The following JAKMIP3 variants were observed in gnomAD, a reference collection of about 807,000 sequenced individuals.
The protein encoded by JAKMIP3 is Janus kinase and microtubule interacting protein 3, also known as janus kinase and microtubule-interacting protein 3.
Under a neutral mutation model 118.5 loss-of-function variants are expected in JAKMIP3, and 58 were observed. The observed-to-expected ratio is 0.49, with a 90% CI of 0.40 to 0.61. The LOEUF is 0.61. JAKMIP3 is among the 20% of genes least tolerant of loss of function. The pLI, the probability that JAKMIP3 is intolerant of heterozygous loss-of-function variation, is 0.00. For synonymous variants in JAKMIP3, 486 were observed against 451.2 expected (o/e 1.08, Z -0.98); for missense variants, 950 against 1,109.0 (o/e 0.86, Z 2.04).
At chr10:132,135,005 G>A (rs774777992) in intron 4 of JAKMIP3, 36 bp from the exon 5 acceptor site, 1 of 1,607,314 alleles carries the variant, frequency 6.2e-7, no homozygotes, top group Non-Finnish European at 8.5e-7. Flanking sequence ...AGGCTTGTGG[G>A]TAGGAACCGT....
chr10:132,150,600 T>C (rs118056737), intron 16 of JAKMIP3, among the ~76,000 whole-genome samples: 2 of 151,736 alleles, frequency 1.3e-5, no homozygotes, highest in East Asian at 3.9e-4. Context: ...ATTCATGCTC[T>C]GTCTTATATC....
At chr10:132,058,969 G>A (rs1279692745) in intron 1 of JAKMIP3, among the ~76,000 whole-genome samples, 4 of 152,188 alleles carry the variant, frequency 2.6e-5, no homozygotes, top group African/African-American at 7.2e-5. Flanking sequence ...CTGGCTGCCT[G>A]GCTTCACGCC....
upstream of JAKMIP3, among the ~76,000 whole-genome samples, chr10:132,060,814 G>A (rs1298941338): frequency 1.3e-5 from 2 of 152,180 alleles, no homozygotes; most frequent in East Asian, 3.9e-4. Context: ...GAGGTCAGGA[G>A]TTTGAGACCA....
At position 132,104,545 on chromosome 10, in the gene JAKMIP3, C is replaced by T. The variant is rs564952926; in HGVS notation, c.-137-127C>T. On this transcript the variant is annotated intron_variant, in intron 1 of 23. Coordinates refer to ENST00000684848, the MANE Select transcript of JAKMIP3 (RefSeq NM_001323087.2). ...GGCTGGTTCCCTGGCCTGCGTCGTC[C>T]AGGTAGCATCCTCAGCACTGCAATG... is the stretch of plus-strand genomic sequence containing the variant. 113 of 483,922 alleles carry T rather than the reference C, an allele frequency of 2.3e-4. 1 individual carries two copies. The South Asian group carries it at 2.9e-3, about 13-fold the overall frequency. 30.0% of individuals were successfully genotyped at this position (483,922 alleles called of 1,614,324 possible). A position where few individuals can be genotyped will look rare whatever the true frequency, so the allele number is the denominator to read the frequency against.
At chr10:132,167,884 G>A (rs951534445) in intron 22 of JAKMIP3, 69 bp from the exon 23 acceptor site, 13 of 1,152,458 alleles carry the variant, frequency 1.1e-5, no homozygotes, top group Non-Finnish European at 1.4e-5. Context: ...CTCGCCCCTC[G>A]GCCCTCGCCC....
At chr10:132,105,003 C>T in intron 2 of JAKMIP3, 60 bp downstream of exon 2, 7 of 1,535,076 alleles carry the variant, frequency 4.6e-6, no homozygotes, top group South Asian at 1.2e-5. Context: ...CCCTGGGGCC[C>T]AGAGGCTCTT....
upstream of JAKMIP3, among the ~76,000 whole-genome samples, chr10:132,062,713 T>C (rs1235368864): frequency 6.6e-6 from 1 of 152,066 alleles, no homozygotes; most frequent in Non-Finnish European, 1.5e-5. Flanking sequence ...TGCATGGGAA[T>C]AAAAAAACAG....
At chr10:132,164,323 TC>T (rs2058676411) in intron 20 of JAKMIP3, among the ~76,000 whole-genome samples, 2 of 152,360 alleles carry the variant, frequency 1.3e-5, no homozygotes, top group East Asian at 1.9e-4. Context: ...TGCCCAGCTC[TC>T]CTGCGACCCT....
At chr10:132,164,644 A>G (rs2058711339) in intron 20 of JAKMIP3, 26 bp from the exon 21 acceptor site, 2 of 1,431,812 alleles carry the variant, frequency 1.4e-6, no homozygotes, top group Non-Finnish European at 2.0e-6. Context: ...TGACTATTGA[A>G]GATGTTCTTC....
At chr10:132,068,748 T>C (rs2039342604) in intron 1 of JAKMIP3, among the ~76,000 whole-genome samples, 1 of 152,180 alleles carries the variant, frequency 6.6e-6, no homozygotes, top group Non-Finnish European at 1.5e-5. Flanking sequence ...TGGAAGGCTC[T>C]CAGGAGCTGA....
intron 1 of JAKMIP3, among the ~76,000 whole-genome samples, chr10:132,093,233 G>A (rs1404849951): frequency 6.6e-6 from 1 of 152,180 alleles, no homozygotes; most frequent in Non-Finnish European, 1.5e-5. Flanking sequence ...CACTTGAGGG[G>A]GCAGTCTGTC....
intron 1 of JAKMIP3, among the ~76,000 whole-genome samples, chr10:132,079,320 G>A (rs2041405436): frequency 6.6e-6 from 1 of 152,188 alleles, no homozygotes; most frequent in African/African-American, 2.4e-5. Flanking sequence ...TCTGGGCTGG[G>A]GCTCATTCCA....
intron 23 of JAKMIP3, among the ~76,000 whole-genome samples, chr10:132,172,263 A>G (rs1358989973): frequency 1.3e-5 from 2 of 151,928 alleles, no homozygotes; most frequent in Non-Finnish European, 2.9e-5. Context: ...GGAGTGATGG[A>G]CCCTAAGTAC....
At chr10:132,096,465 C>T (rs1002832331) in intron 1 of JAKMIP3, among the ~76,000 whole-genome samples, 2 of 152,154 alleles carry the variant, frequency 1.3e-5, no homozygotes, top group Admixed American at 6.5e-5. Context: ...TTCCTTAACA[C>T]GGGGTGGTGG....
At chr10:132,166,416 G>A (rs2058907557) in intron 21 of JAKMIP3, among the ~76,000 whole-genome samples, 3 of 151,988 alleles carry the variant, frequency 2.0e-5, no homozygotes, top group East Asian at 1.9e-4. Flanking sequence ...ATTTTCTCTC[G>A]TGTCCAGATG....
chr10:132,054,093 G>A (rs1263249031), intron 1 of JAKMIP3, among the ~76,000 whole-genome samples: 1 of 151,854 alleles, frequency 6.6e-6, no homozygotes, highest in Non-Finnish European at 1.5e-5. Flanking sequence ...TGTGAACATG[G>A]GGCTACCACG....
chr10:132,123,809 G>A (rs1485157942), intron 3 of JAKMIP3, among the ~76,000 whole-genome samples: 1 of 152,204 alleles, frequency 6.6e-6, no homozygotes, highest in African/African-American at 2.4e-5. Flanking sequence ...ACAGCCAGAT[G>A]CAGCATCGGC....
At position 132,184,693 on chromosome 10, in the gene JAKMIP3, T is replaced by C. The variant is rs909128448; in HGVS notation, c.*3440T>C. 2 of 152,214 alleles carry C rather than the reference T, an allele frequency of 1.3e-5. No homozygotes were observed. The highest frequency in any genetic ancestry group is 2.9e-5 in the Non-Finnish European group (2 of 68,044). 9.4% of individuals were successfully genotyped at this position (152,214 alleles called of 1,614,324 possible). Reference sequence around the variant, plus strand: ...ACAGGCCTAAAATAGGTTTGTATGGTGATCTACAAGATTTTACAAATATTT... The same window carrying C: ...ACAGGCCTAAAATAGGTTTGTATGGCGATCTACAAGATTTTACAAATATTT... On this transcript the variant is annotated 3_prime_UTR_variant, in exon 24 of 24. Coordinates refer to ENST00000684848, the MANE Select transcript of JAKMIP3 (RefSeq NM_001323087.2).
chr10:132,145,983 G>T (rs2054524688), intron 13 of JAKMIP3, among the ~76,000 whole-genome samples: 1 of 152,216 alleles, frequency 6.6e-6, no homozygotes, highest in Non-Finnish European at 1.5e-5. Context: ...AACGCTTGTG[G>T]GGAAGCTGAA....
Sources: gnomAD v4.1 joint callset for allele counts (sites outside exome capture counted in the v4.1 genomes callset) on GRCh38, gnomAD v4.1.1 for gene constraint, MANE v1.5 for transcripts, NCBI Gene and HGNC (gene_info 2026-07-23, HGNC 2026-07-21) for gene names.